MAP2K5: variants seen among roughly 807,000 people sequenced by gnomAD.
MAP2K5 encodes dual specificity mitogen-activated protein kinase kinase 5.
Under a neutral mutation model 83.1 loss-of-function variants are expected in MAP2K5, and 49 were observed. The ratio of observed to expected loss-of-function variants is 0.59; its 90% CI spans 0.47 to 0.75. The LOEUF (loss-of-function observed/expected upper bound fraction) is 0.75. MAP2K5 is among the 30% of genes least tolerant of loss of function. The pLI is 0.00. For synonymous variants in MAP2K5, 202 were observed against 191.8 expected, an observed-to-expected ratio of 1.05 and a Z score of -0.44; for missense variants, 457 against 557.5, an observed-to-expected ratio of 0.82 and a Z score of 1.82.
rs1353403297 is a variant in MAP2K5, at chr15:67,750,545, C to T, written c.1134+1944C>T. ...AGGGTGGACCAAGGACTGATTGCAT[C>T]AGAATTACCTAAGGCTCTTGTTGTA... On this transcript the variant is annotated intron_variant, in intron 19 of 21. Transcript: ENST00000178640. The surrounding 1 kb of genome is among the most constrained non-coding windows in gnomAD (Gnocchi z 4.2). 6.6e-6 allele frequency among the ~76,000 whole-genome samples: 1 copy of T among 152,156 alleles called. No individual in the cohort carries two copies. Among genetic ancestry groups the T allele is most frequent in the Non-Finnish European group, 1.5e-5 (1 of 68,028 alleles).
chr15:67,601,361 G>C lies in MAP2K5; in HGVS notation c.545+612G>C, dbSNP rs111833543. Reference sequence around the variant, plus strand: ...GCCATAAAAAATAGTTCTCCGACAGGGAGGTCTTCTCATGCAGTAGTGCAA... The same window carrying C: ...GCCATAAAAAATAGTTCTCCGACAGCGAGGTCTTCTCATGCAGTAGTGCAA... On this transcript the variant is annotated intron_variant, in intron 8 of 21. Coordinates refer to ENST00000178640, the MANE Select transcript of MAP2K5 (RefSeq NM_145160.3). Among the ~76,000 whole-genome samples the C allele has an allele frequency of 4.7e-3, 719 of 152,270 alleles. 9 individuals are homozygous for C. Among genetic ancestry groups the C allele is most frequent in the African/African-American group, 0.016 (652 of 41,546 alleles).
chr15:67,675,988 C>G (rs2087672405), intron 13 of MAP2K5, among the ~76,000 whole-genome samples: 1 of 152,152 alleles, frequency 6.6e-6, no homozygotes, highest in Non-Finnish European at 1.5e-5. Context: ...CCAGTCCCCA[C>G]CTCTAAAAGC....
Position 67,760,900 on chromosome 15 carries a change from T to C in MAP2K5, c.1135-8702T>C, listed in dbSNP as rs764848334. On this transcript the variant is annotated intron_variant, in intron 19 of 21. Coordinates refer to ENST00000178640, the MANE Select transcript of MAP2K5 (RefSeq NM_145160.3). This position sits in a 1 kb window ranked among gnomAD's most constrained non-coding sequence, Gnocchi z 4.1. Reference sequence around the variant, plus strand: ...ATGCCAGGGTCAGTTACCCAGCAGCTTGGGCTGGGGGCACTGCTCTGCTTC... The same window carrying C: ...ATGCCAGGGTCAGTTACCCAGCAGCCTGGGCTGGGGGCACTGCTCTGCTTC... Among the ~76,000 whole-genome samples the C allele has an allele frequency of 6.6e-6, 1 of 152,196 alleles. No individual in the cohort carries two copies. Among genetic ancestry groups the C allele is most frequent in the Non-Finnish European group, 1.5e-5 (1 of 68,030 alleles).
chr15:67,739,445 TATATATATATATA>T (rs1566947985), intron 17 of MAP2K5, among the ~76,000 whole-genome samples: 1 of 14,638 alleles, frequency 6.8e-5, no homozygotes, highest in African/African-American at 3.3e-4. Context: ...TATATATATA[TATATATATATATA>T]TATATTTTTT....
rs563548371 is a variant in MAP2K5, at chr15:67,750,887, C to T, written c.1134+2286C>T. Among the ~76,000 whole-genome samples the T allele has an allele frequency of 1.9e-3, 292 of 152,018 alleles. 2 individuals carry two copies. The highest frequency in any genetic ancestry group is 3.6e-3 in the Non-Finnish European group (245 of 68,020). ...ATCTGTTGCTAGTATATACTATTTC[C>T]TGTTAGAGAAAAGTCAGATCAAAAA... On this transcript the variant is annotated intron_variant, in intron 19 of 21. Coordinates refer to ENST00000178640, the MANE Select transcript of MAP2K5 (RefSeq NM_145160.3). The surrounding 1 kb of genome is among the most constrained non-coding windows in gnomAD (Gnocchi z 4.2).
Position 67,676,362 on chromosome 15 carries a change from A to C in MAP2K5, c.847+11717A>C, listed in dbSNP as rs1362540331. On this transcript the variant is annotated intron_variant, in intron 13 of 21. Coordinates refer to ENST00000178640, the MANE Select transcript of MAP2K5 (RefSeq NM_145160.3). This position sits in a 1 kb window ranked among gnomAD's most constrained non-coding sequence, Gnocchi z 4.8. The stretch of plus-strand genomic sequence containing the variant: ...CTGAGGGCAGTGTTTTTCTCCTGGA[A>C]CTTTTTATAATGTGGCTAAATTGGA... 2.6e-5 allele frequency among the ~76,000 whole-genome samples: 4 copies of C among 152,172 alleles called. No homozygotes were observed. The highest frequency in any genetic ancestry group is 5.9e-5 in the Non-Finnish European group (4 of 68,016).
intron 16 of MAP2K5, among the ~76,000 whole-genome samples, chr15:67,710,534 C>T (rs978843994): frequency 4.5e-5 from 6 of 132,456 alleles, no homozygotes; most frequent in African/African-American, 8.5e-5. Context: ...GATAGAGTCT[C>T]GCTCTGTCAC....
Position 67,768,040 on chromosome 15 carries a change from A to G in MAP2K5, c.1135-1562A>G, listed in dbSNP as rs2090073131. 6.6e-6 allele frequency among the ~76,000 whole-genome samples: 1 copy of G among 152,030 alleles called. No individual in the cohort carries two copies. The highest frequency in any genetic ancestry group is 2.4e-5 in the African/African-American group (1 of 41,406). The stretch of plus-strand genomic sequence containing the variant: ...ATTTTGTTCATGTTTCTTTTCTTGT[A>G]GCCTCTTCGGTGTTTTTTGTTGTCT... On this transcript the variant is annotated intron_variant, in intron 19 of 21. Coordinates refer to ENST00000178640, the MANE Select transcript of MAP2K5 (RefSeq NM_145160.3). This position sits in a 1 kb window ranked among gnomAD's most constrained non-coding sequence, Gnocchi z 4.0.
At chr15:67,557,350 A>G (rs1475693989) in intron 2 of MAP2K5, among the ~76,000 whole-genome samples, 3 of 152,368 alleles carry the variant, frequency 2.0e-5, no homozygotes, top group Admixed American at 6.5e-5. Context: ...TTAAACCTAT[A>G]AAAACCATGT....
Position 67,806,745 on chromosome 15 carries a change from C to T in MAP2K5, c.1342C>T (p.Pro448Ser). The T allele has an allele frequency of 6.4e-7, 1 of 1,555,676 alleles. No homozygotes were observed. The highest frequency in any genetic ancestry group is 8.7e-7 in the Non-Finnish European group (1 of 1,152,044). The change falls in exon 22 of 22, where the codon CCG becomes TCG. Residue 448 changes from proline to serine, a missense_variant. By Grantham distance (74) the Pro-to-Ser change is moderately conservative. Transcript: ENST00000178640. ...GGAGAGGCGGAGCCAGCAGGGGCCC[C>T]CGTGAGGCTGCCGCAGGGCACTGAA... ...LEERRSQQGP[P>S]
At chr15:67,564,155 A>G (rs1478020187) in intron 3 of MAP2K5, among the ~76,000 whole-genome samples, 2 of 152,206 alleles carry the variant, frequency 1.3e-5, no homozygotes, top group Non-Finnish European at 2.9e-5. Context: ...CCTTAGCTCT[A>G]CTGTGGTTTC....
At chr15:67,650,124 T>C (rs140528506) in intron 11 of MAP2K5, among the ~76,000 whole-genome samples, 3 of 152,212 alleles carry the variant, frequency 2.0e-5, no homozygotes, top group African/African-American at 7.2e-5. Flanking sequence ...TTTTGGATTG[T>C]TCATTGCCAG....
intron 21 of MAP2K5, among the ~76,000 whole-genome samples, chr15:67,792,266 G>A (rs1232804236): frequency 6.6e-6 from 1 of 152,226 alleles, no homozygotes; most frequent in Non-Finnish European, 1.5e-5. Flanking sequence ...TAATTGTTAT[G>A]AGAAGAGTAT....
rs903718007 is a variant in MAP2K5 at position 67,641,495 on chromosome 15, T to C, written c.586-4736T>C. The C allele has an allele frequency of 5.0e-6, 5 of 1,000,468 alleles. No homozygotes were observed. In the African/African-American group the frequency reaches 8.7e-5, roughly 17 times the overall value. The allele number at this position is 1,000,468 out of a possible 1,614,324, so 62.0% of individuals were successfully genotyped here. On this transcript the variant is annotated intron_variant, in intron 9 of 21. Coordinates refer to ENST00000178640, the MANE Select transcript of MAP2K5 (RefSeq NM_145160.3). Reference sequence around the variant, plus strand: ...AAACGAAGTCATCCATGACAGCTTGTGATGAATTGCCGTATTTATACTGTA... The same window carrying C: ...AAACGAAGTCATCCATGACAGCTTGCGATGAATTGCCGTATTTATACTGTA...
chr15:67,642,416 G>A, intron 9 of MAP2K5: 1 of 1,606,912 alleles, frequency 6.2e-7, no homozygotes, highest in Non-Finnish European at 8.5e-7. Context: ...TCTGTTTTTA[G>A]GAGATGAGGG....
intron 13 of MAP2K5, among the ~76,000 whole-genome samples, chr15:67,680,276 A>G (rs2087786931): frequency 2.0e-5 from 3 of 152,222 alleles, no homozygotes; most frequent in South Asian, 4.1e-4. Context: ...GAATAATACT[A>G]CTTTTCATAC....
intron 3 of MAP2K5, among the ~76,000 whole-genome samples, chr15:67,571,135 G>T (rs1204352224): frequency 6.6e-6 from 1 of 152,172 alleles, no homozygotes; most frequent in Non-Finnish European, 1.5e-5. Context: ...AATGTGCTAG[G>T]CACTATATGG....
intron 17 of MAP2K5, among the ~76,000 whole-genome samples, chr15:67,744,706 A>G (rs2089565604): frequency 6.6e-6 from 1 of 152,210 alleles, no homozygotes; most frequent in Non-Finnish European, 1.5e-5. Flanking sequence ...GACTTCCAAA[A>G]TTGCTTTTTA....
intron 13 of MAP2K5, among the ~76,000 whole-genome samples, chr15:67,667,569 T>C (rs2087413078): frequency 6.6e-6 from 1 of 152,138 alleles, no homozygotes; most frequent in Non-Finnish European, 1.5e-5. Context: ...GAGTGATCTA[T>C]ACCTCTTCCT....
Sources: gnomAD v4.1 joint callset for allele counts (sites outside exome capture counted in the v4.1 genomes callset) on GRCh38, gnomAD v4.1.1 for gene constraint, Gnocchi (gnomAD v3.1) non-coding constraint, MANE v1.5 for transcripts, NCBI Gene and HGNC (gene_info 2026-07-23, HGNC 2026-07-21) for gene names.